Variants in RIMS2 observed in about 807,000 individuals in gnomAD.
The protein encoded by RIMS2 is regulating synaptic membrane exocytosis protein 2.
Under a neutral mutation model 174.4 loss-of-function variants are expected in RIMS2, and 59 were observed. The ratio of observed to expected loss-of-function variants is 0.34; its 90% CI spans 0.27 to 0.42. RIMS2 has a LOEUF of 0.42. Among genes scored for constraint, RIMS2 ranks in the 10% least tolerant of loss-of-function variants. The pLI is 1.00. For missense variants in RIMS2, 1,620 were observed against 1,666.3 expected (o/e 0.97, Z 0.48); for synonymous variants, 606 against 572.5 (o/e 1.06, Z -0.84).
At chr8:103,702,933 G>T (rs1372196103) in intron 2 of RIMS2, among the ~76,000 whole-genome samples, 2 of 146,018 alleles carry the variant, frequency 1.4e-5, no homozygotes, top group East Asian at 2.0e-4. Context: ...AGAATTTTAG[G>T]ACTTCTTTTT....
At chr8:103,977,371 GA>G (rs2093540719) in intron 16 of RIMS2, 1 of 152,180 alleles carries the variant, frequency 6.6e-6, no homozygotes. Context: ...CGTGTAATCT[GA>G]AATTTAAAGT....
chr8:103,859,679 C>A (rs1287179546), intron 3 of RIMS2, among the ~76,000 whole-genome samples: 1 of 151,822 alleles, frequency 6.6e-6, no homozygotes, highest in Non-Finnish European at 1.5e-5. Context: ...CAGGAACAAG[C>A]AAATCTAATA....
intron 20 of RIMS2, 42 bp downstream of exon 26, chr8:104,245,099 A>T: frequency 6.3e-7 from 1 of 1,599,394 alleles, no homozygotes; most frequent in Non-Finnish European, 8.6e-7. Context: ...TCCGTGCCTC[A>T]CCTATCTCAC....
intron 19 of RIMS2, among the ~76,000 whole-genome samples, chr8:104,079,352 C>T (rs1369776730): frequency 2.0e-5 from 3 of 151,510 alleles, no homozygotes; most frequent in South Asian, 2.1e-4. Flanking sequence ...TTCCTTTTAC[C>T]GTCAGCAAAA....
chr8:103,825,788 T>C lies in RIMS2; in HGVS notation c.698+59251T>C, dbSNP rs2098786581. Among the ~76,000 whole-genome samples, 7 of 152,292 alleles carry C rather than the reference T, an allele frequency of 4.6e-5. No individual in the cohort carries two copies. The South Asian group carries it at 1.5e-3, about 32-fold the overall frequency. On this transcript the variant is annotated intron_variant, in intron 3 of 23. Coordinates refer to ENST00000504942, the Ensembl canonical transcript of RIMS2. Reference sequence around the variant, plus strand: ...GATCATAGCGTGGGTGTATGTTTAATTTTATAATGCCACATCATTTTTAAA... The same window carrying C: ...GATCATAGCGTGGGTGTATGTTTAACTTTATAATGCCACATCATTTTTAAA...
chr8:103,649,809 T>C (rs7012874), intron 1 of RIMS2, among the ~76,000 whole-genome samples: 26,688 of 152,014 alleles, frequency 0.18, 2,541 homozygotes, highest in African/African-American at 0.23. Flanking sequence ...ATTCTGGCTA[T>C]CAGCTCCTGT....
intron 3 of RIMS2, among the ~76,000 whole-genome samples, chr8:103,841,238 T>A (rs1445926652): frequency 6.6e-6 from 1 of 152,216 alleles, no homozygotes; most frequent in Admixed American, 6.5e-5. Flanking sequence ...AATTAATTCC[T>A]TTTTGACTTT....
chr8:103,928,811 G>T (rs1342286086), intron 11 of RIMS2, among the ~76,000 whole-genome samples: 2 of 151,406 alleles, frequency 1.3e-5, no homozygotes, highest in Non-Finnish European at 3.0e-5. Context: ...TTTTATTAAT[G>T]AAATTGGGGC....
chr8:103,569,970 A>G (rs2092689387), intron 1 of RIMS2, among the ~76,000 whole-genome samples: 1 of 152,030 alleles, frequency 6.6e-6, no homozygotes, highest in Non-Finnish European at 1.5e-5. Flanking sequence ...TCATAATTTC[A>G]TTTTGGAAAT....
chr8:103,839,842 T>C (rs1593522566), intron 3 of RIMS2, among the ~76,000 whole-genome samples: 1 of 152,236 alleles, frequency 6.6e-6, no homozygotes, highest in South Asian at 2.1e-4. Flanking sequence ...AAGAAGTTTC[T>C]ATGAATATGT....
At chr8:104,192,390 C>A (rs980186528) in intron 19 of RIMS2, among the ~76,000 whole-genome samples, 2 of 152,196 alleles carry the variant, frequency 1.3e-5, no homozygotes, top group Middle Eastern at 3.4e-3. Flanking sequence ...AAAAGCATAA[C>A]AATCATATTT....
At chr8:104,090,365 C>T (rs1227343762) in intron 19 of RIMS2, among the ~76,000 whole-genome samples, 2 of 151,572 alleles carry the variant, frequency 1.3e-5, no homozygotes, top group African/African-American at 4.8e-5. Flanking sequence ...CCTTTATGCA[C>T]CTATGAATCA....
At chr8:103,520,853 C>G (rs1459383307) in intron 1 of RIMS2, among the ~76,000 whole-genome samples, 1 of 151,864 alleles carries the variant, frequency 6.6e-6, no homozygotes, top group East Asian at 1.9e-4. Flanking sequence ...CTCTGATTAC[C>G]TTATATAAAC....
intron 19 of RIMS2, among the ~76,000 whole-genome samples, chr8:104,016,455 T>C (rs2095909016): frequency 6.6e-6 from 1 of 152,066 alleles, no homozygotes; most frequent in Admixed American, 6.5e-5. Context: ...CAACTTCTGT[T>C]TTGTCGTTCT....
chr8:103,906,201 T>C (rs1446201613), intron 4 of RIMS2, among the ~76,000 whole-genome samples: 1 of 152,170 alleles, frequency 6.6e-6, no homozygotes, highest in African/African-American at 2.4e-5. Context: ...TCAACAAGTG[T>C]TTAGTTAGTA....
chr8:104,240,296 A>G (rs552458872), intron 19 of RIMS2, among the ~76,000 whole-genome samples: 12 of 152,246 alleles, frequency 7.9e-5, no homozygotes, highest in African/African-American at 2.6e-4. Context: ...TCCCTACCAC[A>G]TTTTCTTTCT....
chr8:103,833,563 C>G (rs377252417), intron 3 of RIMS2, among the ~76,000 whole-genome samples: 137 of 151,844 alleles, frequency 9.0e-4, no homozygotes, highest in African/African-American at 3.2e-3. Flanking sequence ...ATTTTTTCAA[C>G]TTTTTTTGTG....
intron 19 of RIMS2, chr8:104,094,821 T>G (rs778755139): frequency 3.4e-6 from 2 of 585,390 alleles, no homozygotes; most frequent in Non-Finnish European, 3.0e-6. Flanking sequence ...TTTGCTTTAT[T>G]TTCTTGTGTT....
intron 19 of RIMS2, among the ~76,000 whole-genome samples, chr8:104,153,506 G>T (rs1030981165): frequency 6.6e-6 from 1 of 152,128 alleles, no homozygotes; most frequent in African/African-American, 2.4e-5. Context: ...GGAATCAAGA[G>T]TTCTGTTTTA....
Sources: gnomAD v4.1 joint callset for allele counts (sites outside exome capture counted in the v4.1 genomes callset) on GRCh38, gnomAD v4.1.1 for gene constraint, MANE v1.5 for transcripts, NCBI Gene and HGNC (gene_info 2026-07-23, HGNC 2026-07-21) for gene names.